Variants in ORC2 observed in about 807,000 individuals in gnomAD.
ORC2 encodes the protein origin recognition complex protein 2 homolog.
In ORC2, 37 loss-of-function variants were observed where a neutral mutation model predicts 77.7. The ratio of observed to expected loss-of-function variants is 0.48; its 90% CI spans 0.37 to 0.63. The LOEUF (loss-of-function observed/expected upper bound fraction) is 0.63, where lower values mean the gene tolerates loss of function less well. ORC2 is among the 20% of genes least tolerant of loss of function. ORC2 has a pLI of 0.00. For synonymous variants in ORC2, 201 were observed against 229.5 expected, an observed-to-expected ratio of 0.88 and a Z score of 1.12; for missense variants, 557 against 661.9, an observed-to-expected ratio of 0.84 and a Z score of 1.74.
chr2:200,938,012 T>C, intron 7 of ORC2, 46 bp from the exon 8 acceptor site: 1 of 1,347,706 alleles, frequency 7.4e-7, no homozygotes, highest in Non-Finnish European at 1.0e-6. Context: ...TGGAAATTAA[T>C]GACTGATCTG....
chr2:200,915,163 T>G (rs950212616), intron 15 of ORC2, among the ~76,000 whole-genome samples: 2 of 151,516 alleles, frequency 1.3e-5, no homozygotes, highest in South Asian at 4.2e-4. Flanking sequence ...TATAGGCATG[T>G]GCCACCACCC....
At chr2:200,926,695 C>T in intron 12 of ORC2, 73 bp downstream of exon 12, 2 of 1,474,292 alleles carry the variant, frequency 1.4e-6, no homozygotes, top group Non-Finnish European at 1.9e-6. Flanking sequence ...TTTAATACTC[C>T]ATCCTCATTT....
intron 15 of ORC2, among the ~76,000 whole-genome samples, chr2:200,917,895 G>T (rs1002704448): frequency 6.0e-5 from 9 of 151,200 alleles, no homozygotes; most frequent in Non-Finnish European, 1.2e-4. Context: ...AAATTGCTAG[G>T]GGGGGTTAAA....
chr2:200,962,921 T>G (rs1458424279), intron 1 of ORC2: 1 of 152,326 alleles, frequency 6.6e-6, no homozygotes, highest in African/African-American at 2.4e-5. Context: ...ATCAACATTT[T>G]ACAGCCAAGC....
At chr2:200,958,170 G>T in intron 2 of ORC2, 37 bp from the exon 3 acceptor site, 2 of 1,160,600 alleles carry the variant, frequency 1.7e-6, no homozygotes, top group Non-Finnish European at 2.6e-6. Context: ...AAGTGATGAA[G>T]AATTCATATC....
At chr2:200,950,574 AGAC>A (rs1187416370) in intron 4 of ORC2, among the ~76,000 whole-genome samples, 1 of 152,220 alleles carries the variant, frequency 6.6e-6, no homozygotes, top group Non-Finnish European at 1.5e-5. Context: ...GGTATGCCAG[AGAC>A]GACATGATGT....
chr2:200,935,239 CAGCCTCCCGCGT>C (rs2041016831), intron 9 of ORC2, among the ~76,000 whole-genome samples: 1 of 152,228 alleles, frequency 6.6e-6, no homozygotes, highest in Non-Finnish European at 1.5e-5. Context: ...TCTCCTGCTT[CAGCCTCCCGCGT>C]AGCTGGGATT....
intron 11 of ORC2, among the ~76,000 whole-genome samples, chr2:200,927,449 C>G (rs1025696893): frequency 6.6e-6 from 1 of 150,996 alleles, no homozygotes; most frequent in African/African-American, 2.4e-5. Flanking sequence ...AATCCCAGCA[C>G]TTTGGGAGGC....
chr2:200,963,315 G>C (rs1328688829), intron 1 of ORC2, 175 bp downstream of exon 1: 2 of 397,060 alleles, frequency 5.0e-6, no homozygotes, highest in Non-Finnish European at 8.9e-6. Context: ...CAGCCTGCGG[G>C]GGGCAGCGAG....
At chr2:200,958,792 A>G (rs181743982) in intron 2 of ORC2, among the ~76,000 whole-genome samples, 35 of 152,344 alleles carry the variant, frequency 2.3e-4, no homozygotes, top group South Asian at 1.0e-3. Context: ...GGCAAGCAAA[A>G]GTTTGATCAA....
Position 200,909,130 on chromosome 2 carries a change from C to T in ORC2, c.*2171G>A, listed in dbSNP as rs1484709782. The T allele has an allele frequency of 1.3e-5, 2 of 151,982 alleles. No individual in the cohort carries two copies. Among genetic ancestry groups the T allele is most frequent in the Non-Finnish European group, 2.9e-5 (2 of 68,010 alleles). The allele number at this position is 151,982 out of a possible 1,614,324, so 9.4% of individuals were successfully genotyped here. A position where few individuals can be genotyped will look rare whatever the true frequency, so the allele number is the denominator to read the frequency against. On this transcript the variant is annotated 3_prime_UTR_variant, in exon 18 of 18. Transcript: ENST00000234296. The stretch of plus-strand genomic sequence containing the variant: ...AATTTGCACATTAGGTCATTATAAA[C>T]TAGATATATTAAGCAAAAAAAGCAA...
At chr2:200,954,125 C>T (rs1399455765) in intron 4 of ORC2, among the ~76,000 whole-genome samples, 1 of 151,550 alleles carries the variant, frequency 6.6e-6, no homozygotes, top group South Asian at 2.1e-4. Context: ...CTCCATCTCC[C>T]GGGTTCAAGC....
chr2:200,961,836 T>C (rs187449001), intron 1 of ORC2, among the ~76,000 whole-genome samples: 1 of 152,348 alleles, frequency 6.6e-6, no homozygotes, highest in Non-Finnish European at 1.5e-5. Context: ...CTGAGCTTCC[T>C]GGCAATCAAA....
At position 200,949,438 on chromosome 2, in the gene ORC2, G is replaced by A. The variant is rs2041311025; in HGVS notation, c.328+116C>T. The A allele has an allele frequency of 6.2e-6, 4 of 641,504 alleles. No homozygotes were observed. In the South Asian group the frequency reaches 7.3e-5, roughly 12 times the overall value. The allele number at this position is 641,504 out of a possible 1,614,324, so 39.7% of individuals were successfully genotyped here. A position where few individuals can be genotyped will look rare whatever the true frequency, so the allele number is the denominator to read the frequency against. ...ACGTCTCATTATTCCCTAAACCATA[G>A]GGAATCTCTCTTCATTCTTTTAGGA... is the stretch of plus-strand genomic sequence containing the variant. On this transcript the variant is annotated intron_variant, in intron 5 of 17. Coordinates refer to ENST00000234296, the MANE Select transcript of ORC2 (RefSeq NM_006190.5).
intron 15 of ORC2, among the ~76,000 whole-genome samples, chr2:200,915,257 C>T (rs1310093946): frequency 2.0e-5 from 3 of 151,930 alleles, no homozygotes; most frequent in Non-Finnish European, 4.4e-5. Flanking sequence ...AGGTGATCCA[C>T]CCGCCTCGGC....
intron 4 of ORC2, among the ~76,000 whole-genome samples, chr2:200,954,036 CTTT>C (rs530284196): frequency 7.1e-6 from 1 of 140,396 alleles, no homozygotes; most frequent in Non-Finnish European, 1.6e-5. Flanking sequence ...CTTTCTTTTT[CTTT>C]TTTTTTTTTT....
At chr2:200,935,238 T>A (rs1157210439) in intron 9 of ORC2, among the ~76,000 whole-genome samples, 1 of 152,242 alleles carries the variant, frequency 6.6e-6, no homozygotes, top group Admixed American at 6.5e-5. Context: ...TTCTCCTGCT[T>A]CAGCCTCCCG....
intron 4 of ORC2, among the ~76,000 whole-genome samples, chr2:200,950,504 C>T (rs188134052): frequency 1.3e-5 from 2 of 152,238 alleles, no homozygotes; most frequent in Admixed American, 6.5e-5. Context: ...GTCAAAATTA[C>T]TTCGTAATAA....
chr2:200,915,772 C>T lies in ORC2; in HGVS notation c.1467-1780G>A, dbSNP rs141984726. Among the ~76,000 whole-genome samples the T allele has an allele frequency of 9.7e-3, 1,476 of 152,206 alleles. 19 individuals carry two copies. The highest frequency in any genetic ancestry group is 0.034 in the African/African-American group (1,410 of 41,526). The stretch of plus-strand genomic sequence containing the variant: ...GCAGTGGTGCGATCTTGGCTCACTG[C>T]AACCTTGGCCTCCCAGGTTCAAGCG... On this transcript the variant is annotated intron_variant, in intron 15 of 17. Transcript: ENST00000234296.
Sources: allele counts gnomAD v4.1 joint callset (sites outside exome capture counted in the v4.1 genomes callset), GRCh38; gene constraint gnomAD v4.1.1; transcripts MANE v1.5; gene names NCBI Gene and HGNC (gene_info 2026-07-23, HGNC 2026-07-21).